The following FAM227A variants were observed in gnomAD, a reference collection of about 807,000 sequenced individuals.
The protein encoded by FAM227A is protein FAM227A.
A neutral mutation model predicts 74.7 loss-of-function variants in FAM227A; 80 were observed. The observed-to-expected ratio is 1.07, with a 90% confidence interval of 0.89 to 1.29. The LOEUF is 1.29. Among genes scored for constraint, FAM227A ranks in the 50% most tolerant of loss-of-function variants. FAM227A has a pLI of 0.00. For synonymous variants in FAM227A, 237 were observed against 241.8 expected (o/e 0.98, Z 0.19); for missense variants, 654 against 683.4 (o/e 0.96, Z 0.48).
At chr22:38,620,101 G>T in intron 11 of FAM227A, 111 bp downstream of exon 11, 2 of 720,664 alleles carry the variant, frequency 2.8e-6, no homozygotes, top group East Asian at 2.7e-5. Flanking sequence ...ACCTGGGCAA[G>T]GGGTACAGAG....
At chr22:38,638,027 G>A (rs969156914) in intron 5 of FAM227A, among the ~76,000 whole-genome samples, 5 of 152,160 alleles carry the variant, frequency 3.3e-5, no homozygotes, top group African/African-American at 4.8e-5. Flanking sequence ...TTAGCCAGGT[G>A]TGGTGGTGCA....
At chr22:38,590,041 G>A (rs976820238) in intron 16 of FAM227A, among the ~76,000 whole-genome samples, 1 of 151,856 alleles carries the variant, frequency 6.6e-6, no homozygotes, top group Non-Finnish European at 1.5e-5. Context: ...GAGGTCAAGA[G>A]TTTGAGACTA....
chr22:38,636,388 G>A, intron 6 of FAM227A, 63 bp downstream of exon 6: 8 of 1,512,700 alleles, frequency 5.3e-6, no homozygotes, highest in South Asian at 1.3e-5. Context: ...GGGTGTGAAA[G>A]GGTGACAGCT....
In FAM227A at chr22:38,634,921, CAG is replaced by C. The variant is rs536770273; in HGVS notation, c.519+1528_519+1529del. 9.2e-5 allele frequency among the ~76,000 whole-genome samples: 14 copies of C among 152,120 alleles called. No individual in the cohort carries two copies. The South Asian group carries it at 2.9e-3, about 32-fold the overall frequency. On this transcript the variant is annotated intron_variant, in intron 6 of 16. Transcript: ENST00000535113. Reference sequence around the variant, plus strand: ...AGAAACAGATGGGACCGACATAGCCCAGAGAGAAGGCAGCAGGAAGAAGCCAT... The same window carrying C: ...AGAAACAGATGGGACCGACATAGCCCAGAGAAGGCAGCAGGAAGAAGCCAT...
At chr22:38,621,682 G>C (rs904700261) in intron 10 of FAM227A, among the ~76,000 whole-genome samples, 2 of 152,092 alleles carry the variant, frequency 1.3e-5, no homozygotes, top group African/African-American at 4.8e-5. Flanking sequence ...CTGCTCTAAG[G>C]GTTTCAGGTA....
chr22:38,630,361 C>T (rs931389967), intron 6 of FAM227A, among the ~76,000 whole-genome samples: 16 of 152,258 alleles, frequency 1.1e-4, no homozygotes, highest in African/African-American at 3.9e-4. Context: ...TTTCTTCAGA[C>T]TGGCAGTCTA....
rs1459540361 is a variant in FAM227A at position 38,582,160 on chromosome 22, A to G, written c.*3965T>C. ...AGCCATTCACCACAATCAAGATAGT[A>G]GACATATCTGTCACCCCCAAAAGTT... is the stretch of plus-strand genomic sequence containing the variant. On this transcript the variant is annotated 3_prime_UTR_variant, in exon 17 of 17. Coordinates refer to ENST00000535113, the MANE Select transcript of FAM227A (RefSeq NM_001013647.2). 1 of 606,916 alleles carries G rather than the reference A, an allele frequency of 1.6e-6. No individual in the cohort carries two copies. The highest frequency in any genetic ancestry group is 2.9e-5 in the Admixed American group (1 of 34,074). 37.6% of individuals were successfully genotyped at this position (606,916 alleles called of 1,614,324 possible).
At chr22:38,638,655 G>A in intron 5 of FAM227A, 91 bp downstream of exon 5, 3 of 920,130 alleles carry the variant, frequency 3.3e-6, no homozygotes, top group Non-Finnish European at 5.2e-6. Flanking sequence ...TCACTACCCA[G>A]GCACCAAGTA....
At chr22:38,654,583 G>C (rs979149591) in intron 1 of FAM227A, among the ~76,000 whole-genome samples, 5 of 151,670 alleles carry the variant, frequency 3.3e-5, no homozygotes, top group African/African-American at 1.2e-4. Context: ...TGGGAGGTGG[G>C]GATGATGTCA....
rs1230755395 is a variant in FAM227A at position 38,605,251 on chromosome 22, C to T, written c.1221+3G>A. 6.6e-7 allele frequency: 1 copy of T among 1,524,510 alleles called. No individual in the cohort carries two copies. Among genetic ancestry groups the T allele is most frequent in the Admixed American group, 2.0e-5 (1 of 50,916 alleles). The allele number at this position is 1,524,510 out of a possible 1,614,324, so 94.4% of individuals were successfully genotyped here. ...ACTATTAAATTTCCAATCATGTGCTCACCTTTTTAGGAAACATATTCTCAC... is the reference window on the plus strand; with the variant it reads ...ACTATTAAATTTCCAATCATGTGCTTACCTTTTTAGGAAACATATTCTCAC... On this transcript the variant is annotated splice_donor_region_variant and intron_variant, in intron 13 of 16. Transcript: ENST00000535113.
At chr22:38,651,673 T>A (rs912002653) in intron 1 of FAM227A, among the ~76,000 whole-genome samples, 3 of 151,998 alleles carry the variant, frequency 2.0e-5, no homozygotes, top group Non-Finnish European at 4.4e-5. Context: ...CTTCTGAATA[T>A]TTCATACCAT....
At chr22:38,650,999 G>A (rs117216985) in intron 1 of FAM227A, among the ~76,000 whole-genome samples, 2 of 152,254 alleles carry the variant, frequency 1.3e-5, no homozygotes, top group Non-Finnish European at 1.5e-5. Flanking sequence ...GAACTCAAAT[G>A]CCCTTTCACC....
intron 11 of FAM227A, among the ~76,000 whole-genome samples, chr22:38,619,166 A>G (rs1167839408): frequency 6.6e-6 from 1 of 152,094 alleles, no homozygotes; most frequent in Non-Finnish European, 1.5e-5. Context: ...AAATAAAAGA[A>G]GTCCCCTGAG....
intron 2 of FAM227A, among the ~76,000 whole-genome samples, chr22:38,646,426 A>AT (rs71661384): frequency 4.1e-5 from 6 of 145,904 alleles, no homozygotes; most frequent in South Asian, 2.2e-4. Context: ...CGCCCGGCTA[A>AT]TTTTTTTTTG....
At chr22:38,598,077 C>T (rs1028622908) in intron 14 of FAM227A, among the ~76,000 whole-genome samples, 3 of 151,270 alleles carry the variant, frequency 2.0e-5, no homozygotes, top group Non-Finnish European at 4.4e-5. Context: ...TCTCCCTCTG[C>T]TCTGCCCTCC....
chr22:38,600,902 AGAT>A (rs545030254), intron 13 of FAM227A, among the ~76,000 whole-genome samples: 1 of 151,364 alleles, frequency 6.6e-6, no homozygotes, highest in South Asian at 2.1e-4. Context: ...CAGTGAGCCG[AGAT>A]TGCACCATTG....
At chr22:38,589,427 C>T (rs1317079243) in intron 16 of FAM227A, among the ~76,000 whole-genome samples, 1 of 152,068 alleles carries the variant, frequency 6.6e-6, no homozygotes, top group Non-Finnish European at 1.5e-5. Flanking sequence ...AAGGATCAGT[C>T]CAGCAGGTCT....
intron 9 of FAM227A, among the ~76,000 whole-genome samples, chr22:38,624,036 G>A (rs2145572001): frequency 6.6e-6 from 1 of 152,232 alleles, no homozygotes; most frequent in East Asian, 1.9e-4. Context: ...AAGGTGCAAC[G>A]GCAAGAAGAG....
At chr22:38,635,725 G>A in intron 6 of FAM227A, among the ~76,000 whole-genome samples, 1 of 152,222 alleles carries the variant, frequency 6.6e-6, no homozygotes, top group East Asian at 1.9e-4. Flanking sequence ...GGGCATAGTG[G>A]TTCACACCTG....
Sources: allele counts gnomAD v4.1 joint callset (sites outside exome capture counted in the v4.1 genomes callset), GRCh38; gene constraint gnomAD v4.1.1; transcripts MANE v1.5; gene names NCBI Gene and HGNC (gene_info 2026-07-23, HGNC 2026-07-21).